Variants in NKAIN3 observed in about 807,000 individuals in gnomAD.
NKAIN3 encodes the protein sodium/potassium transporting ATPase interacting 3, also known as sodium/potassium-transporting ATPase subunit beta-1-interacting protein 3.
In NKAIN3, 25 loss-of-function variants were observed where a neutral mutation model predicts 30.2. That is an observed-to-expected ratio of 0.83 (90% CI 0.60 to 1.16). The LOEUF is 1.16. Among genes scored for constraint, NKAIN3 ranks in the 50% most tolerant of loss-of-function variants. The pLI is 0.00. For synonymous variants in NKAIN3, 91 were observed against 89.6 expected, an observed-to-expected ratio of 1.02 and a Z score of -0.09; for missense variants, 225 against 254.1, an observed-to-expected ratio of 0.89 and a Z score of 0.78.
intron 1 of NKAIN3, among the ~76,000 whole-genome samples, chr8:62,376,495 T>A (rs1817088465): frequency 2.0e-5 from 3 of 152,140 alleles, no homozygotes. Context: ...GAAAAACAGT[T>A]TTTCTGTGAT....
intron 2 of NKAIN3, among the ~76,000 whole-genome samples, chr8:62,581,485 A>G (rs994145919): frequency 6.6e-6 from 1 of 152,196 alleles, no homozygotes; most frequent in Non-Finnish European, 1.5e-5. Context: ...TGTTAACCGT[A>G]TGCACTATTC....
rs968769998 is a variant in NKAIN3, at chr8:62,640,375, G to C, written c.273+50581G>C. Among the ~76,000 whole-genome samples the C allele has an allele frequency of 2.0e-5, 3 of 151,976 alleles. No homozygotes were observed. The South Asian group carries it at 6.2e-4, about 32-fold the overall frequency. ...TGCTTTGCCCTCTCTCTCACCTGCC[G>C]CCATGTAAGACGTGTGTCTTCCCCT... On this transcript the variant is annotated intron_variant, in intron 3 of 6. Transcript: ENST00000623646.
At chr8:62,704,926 A>G (rs1281570700) in intron 3 of NKAIN3, among the ~76,000 whole-genome samples, 2 of 152,162 alleles carry the variant, frequency 1.3e-5, no homozygotes, top group African/African-American at 4.8e-5. Flanking sequence ...GTTAAAAAGG[A>G]TTATCCTTAC....
At chr8:62,890,668 A>C (rs1821272865) in intron 4 of NKAIN3, among the ~76,000 whole-genome samples, 1 of 152,166 alleles carries the variant, frequency 6.6e-6, no homozygotes, top group South Asian at 2.1e-4. Flanking sequence ...TTAGATGTTG[A>C]TGCTCTTGGA....
chr8:62,412,571 C>T (rs1429392160), intron 1 of NKAIN3, among the ~76,000 whole-genome samples: 1 of 152,032 alleles, frequency 6.6e-6, no homozygotes, highest in African/African-American at 2.4e-5. Context: ...TATCCAGACT[C>T]TATAAGGAAC....
intron 1 of NKAIN3, among the ~76,000 whole-genome samples, chr8:62,362,077 C>T (rs1298372391): frequency 6.6e-6 from 1 of 152,138 alleles, no homozygotes; most frequent in East Asian, 1.9e-4. Flanking sequence ...CCATATTGTT[C>T]TCGATGTTAA....
At chr8:62,537,047 A>G (rs1808687155) in intron 1 of NKAIN3, among the ~76,000 whole-genome samples, 1 of 152,172 alleles carries the variant, frequency 6.6e-6, no homozygotes, top group Non-Finnish European at 1.5e-5. Context: ...CAAGCCCTAT[A>G]GCACTTCAGG....
At chr8:62,907,631 C>G (rs1303062879) in intron 4 of NKAIN3, among the ~76,000 whole-genome samples, 1 of 152,164 alleles carries the variant, frequency 6.6e-6, no homozygotes, top group Non-Finnish European at 1.5e-5. Context: ...CCAGTTGTGG[C>G]TAAAAGGGGC....
chr8:62,906,914 A>G (rs1336535285), intron 4 of NKAIN3, among the ~76,000 whole-genome samples: 1 of 152,214 alleles, frequency 6.6e-6, no homozygotes, highest in African/African-American at 2.4e-5. Context: ...AAAGATACCC[A>G]AAGATGTATA....
chr8:62,286,414 A>G lies in NKAIN3; in HGVS notation c.54+37287A>G, dbSNP rs188733254. On this transcript the variant is annotated intron_variant, in intron 1 of 6. Transcript: ENST00000623646. ...TTTTTTTTAAATGAACAGTGCTCAT[A>G]TGCCCACTCTCAAAGCTAGAAGGAA... Among the ~76,000 whole-genome samples, 280 of 152,256 alleles carry G rather than the reference A, an allele frequency of 1.8e-3. 1 individual carries two copies. Among genetic ancestry groups the G allele is most frequent in the African/African-American group, 6.4e-3 (267 of 41,552 alleles).
chr8:62,568,592 ATCTG>A (rs1809828080), intron 1 of NKAIN3, among the ~76,000 whole-genome samples: 1 of 152,122 alleles, frequency 6.6e-6, no homozygotes, highest in Non-Finnish European at 1.5e-5. Flanking sequence ...ACTTCCATAA[ATCTG>A]TCTATTTGCA....
chr8:62,626,978 G>A (rs1309792831), intron 3 of NKAIN3, among the ~76,000 whole-genome samples: 2 of 152,138 alleles, frequency 1.3e-5, no homozygotes, highest in Admixed American at 1.3e-4. Context: ...ATTTGCACAT[G>A]CTACAGCTCA....
intron 4 of NKAIN3, among the ~76,000 whole-genome samples, chr8:62,838,620 A>G (rs569532511): frequency 1.3e-5 from 2 of 152,162 alleles, no homozygotes; most frequent in South Asian, 4.1e-4. Context: ...ATATTGGTTG[A>G]TGAGGGACTT....
intron 4 of NKAIN3, among the ~76,000 whole-genome samples, chr8:62,853,639 AT>A (rs1160277367): frequency 6.6e-6 from 1 of 151,684 alleles, no homozygotes; most frequent in Non-Finnish European, 1.5e-5. Flanking sequence ...TATTTTATTA[AT>A]TTTCTCCAGG....
chr8:62,740,141 T>C (rs1432587472), intron 3 of NKAIN3, among the ~76,000 whole-genome samples: 1 of 152,176 alleles, frequency 6.6e-6, no homozygotes, highest in Admixed American at 6.5e-5. Flanking sequence ...CTATGAAATA[T>C]TTAGTGTTTC....
Position 62,975,849 on chromosome 8 carries a change from C to T in NKAIN3, c.*10442C>T, listed in dbSNP as rs1234464668. ...ATAAATTTCCTTCTAAGCACTCCCT[C>T]TAAGCTCTATCCCAGAGATTCTGGT... On this transcript the variant is annotated 3_prime_UTR_variant, in exon 7 of 7. Coordinates refer to ENST00000623646, the MANE Select transcript of NKAIN3 (RefSeq NM_001304533.3). 6.6e-6 allele frequency among the ~76,000 whole-genome samples: 1 copy of T among 152,138 alleles called. No individual in the cohort carries two copies. Among genetic ancestry groups the T allele is most frequent in the South Asian group, 2.1e-4 (1 of 4,824 alleles).
chr8:62,313,947 A>C (rs1814532117), intron 1 of NKAIN3, among the ~76,000 whole-genome samples: 2 of 152,166 alleles, frequency 1.3e-5, no homozygotes, highest in South Asian at 4.1e-4. Flanking sequence ...TTAGTCACAG[A>C]GAGGAACACA....
chr8:62,990,298 G>C lies in NKAIN3; in HGVS notation c.533-8933G>C, dbSNP rs529633293. On this transcript the variant is annotated intron_variant, in intron 5 of 5. Transcript: ENST00000519049. ...AAGCCTCATGTGCTTCCTAAGAACTGAGGTGATGCATTATTTTAGAGTGTC... is the reference window on the plus strand; with the variant it reads ...AAGCCTCATGTGCTTCCTAAGAACTCAGGTGATGCATTATTTTAGAGTGTC... 624 of 1,433,640 alleles carry C rather than the reference G, an allele frequency of 4.4e-4. 8 individuals carry two copies. The East Asian group carries it at 0.016, about 38-fold the overall frequency. The allele number at this position is 1,433,640 out of a possible 1,614,324, so 88.8% of individuals were successfully genotyped here. A position where few individuals can be genotyped will look rare whatever the true frequency, so the allele number is the denominator to read the frequency against.
intron 4 of NKAIN3, among the ~76,000 whole-genome samples, chr8:62,865,602 T>A (rs1820391937): frequency 6.6e-6 from 1 of 152,222 alleles, no homozygotes; most frequent in South Asian, 2.1e-4. Context: ...ATTTTTTTAA[T>A]GAGAAATACT....
Sources: gnomAD v4.1 joint callset for allele counts (sites outside exome capture counted in the v4.1 genomes callset) on GRCh38, gnomAD v4.1.1 for gene constraint, MANE v1.5 for transcripts, NCBI Gene and HGNC (gene_info 2026-07-23, HGNC 2026-07-21) for gene names.